PRKCB: variants seen among roughly 807,000 people sequenced by gnomAD.
PRKCB encodes protein kinase C beta type.
Under a neutral mutation model 81.5 loss-of-function variants are expected in PRKCB, and 13 were observed. That is an observed-to-expected ratio of 0.16 (90% CI 0.10 to 0.25). The LOEUF is 0.25. Ranked by LOEUF, PRKCB falls within the 10% of genes least tolerant of loss-of-function variation. PRKCB has a pLI of 1.00. For synonymous variants in PRKCB, 335 were observed against 321.4 expected (o/e 1.04, Z -0.45); for missense variants, 509 against 875.7 (o/e 0.58, Z 5.29).
chr16:23,923,659 A>C (rs559811868), intron 2 of PRKCB, among the ~76,000 whole-genome samples: 9 of 152,076 alleles, frequency 5.9e-5, no homozygotes, highest in Non-Finnish European at 1.2e-4. Context: ...TGACTGTCCA[A>C]TCTTCAGTTA....
At position 24,218,655 on chromosome 16, in the gene PRKCB, A is replaced by G. The variant is rs1436039947; in HGVS notation, c.*3839A>G. On this transcript the variant is annotated 3_prime_UTR_variant, in exon 17 of 17. Transcript: ENST00000643927. Reference sequence around the variant, plus strand: ...AGGAGAGTGAACCCAGCAATGAGAGATCCTTAACAGCTAGTGCCCATTAGG... The same window carrying G: ...AGGAGAGTGAACCCAGCAATGAGAGGTCCTTAACAGCTAGTGCCCATTAGG... The G allele has an allele frequency of 2.0e-6, 2 of 985,062 alleles. No individual in the cohort carries two copies. The highest frequency in any genetic ancestry group is 1.1e-4 in the East Asian group (1 of 8,804). The allele number at this position is 985,062 out of a possible 1,614,324, so 61.0% of individuals were successfully genotyped here.
At chr16:23,952,173 C>T (rs1451534198) in intron 2 of PRKCB, among the ~76,000 whole-genome samples, 1 of 152,144 alleles carries the variant, frequency 6.6e-6, no homozygotes, top group Non-Finnish European at 1.5e-5. Context: ...ATGGGGTCTG[C>T]TGCAGAGATG....
chr16:24,002,338 TGTGC>T (rs997257625), intron 3 of PRKCB, among the ~76,000 whole-genome samples: 10 of 151,748 alleles, frequency 6.6e-5, no homozygotes, highest in Admixed American at 1.3e-4. Flanking sequence ...CGTGTGTGTG[TGTGC>T]GTGCGTGCGT....
intron 3 of PRKCB, among the ~76,000 whole-genome samples, chr16:24,020,531 T>C (rs1240570302): frequency 6.6e-6 from 1 of 152,192 alleles, no homozygotes; most frequent in African/African-American, 2.4e-5. Context: ...CAAGAGGTTT[T>C]ATGTTCTGTG....
At chr16:24,018,936 T>C (rs1965322907) in intron 3 of PRKCB, among the ~76,000 whole-genome samples, 1 of 152,174 alleles carries the variant, frequency 6.6e-6, no homozygotes, top group Non-Finnish European at 1.5e-5. Flanking sequence ...GTTTCCCTAC[T>C]TTTTTTGTCT....
At chr16:23,842,573 TTTC>T (rs1962286221) in intron 2 of PRKCB, among the ~76,000 whole-genome samples, 1 of 152,230 alleles carries the variant, frequency 6.6e-6, no homozygotes, top group Non-Finnish European at 1.5e-5. Flanking sequence ...AGCATTGTCT[TTTC>T]TTCTGAGAAA....
intron 9 of PRKCB, among the ~76,000 whole-genome samples, chr16:24,135,535 A>C (rs951963120): frequency 6.6e-6 from 1 of 151,058 alleles, no homozygotes; most frequent in Non-Finnish European, 1.5e-5. Context: ...CTGGTCTCGA[A>C]CTCCTGGCCT....
At chr16:23,901,120 C>T (rs1005877) in intron 2 of PRKCB, among the ~76,000 whole-genome samples, 146,746 of 152,136 alleles carry the variant, frequency 0.96, 70,815 homozygotes, top group East Asian at 1. Context: ...CTAATCAAAA[C>T]ACAATTGCCA....
Position 24,218,690 on chromosome 16 carries a change from C to T in PRKCB, c.*3874C>T, listed in dbSNP as rs544733927. On this transcript the variant is annotated 3_prime_UTR_variant, in exon 17 of 17. Transcript: ENST00000643927. Reference sequence around the variant, plus strand: ...GCTAGTGCCCATTAGGGGGCTAAACCTAAAGCCTGGGTGGTGATGGCTCAA... The same window carrying T: ...GCTAGTGCCCATTAGGGGGCTAAACTTAAAGCCTGGGTGGTGATGGCTCAA... 6 of 985,426 alleles carry T rather than the reference C, an allele frequency of 6.1e-6. No individual in the cohort carries two copies. The highest frequency in any genetic ancestry group is 7.2e-6 in the Non-Finnish European group (6 of 829,932). 61.0% of individuals were successfully genotyped at this position (985,426 alleles called of 1,614,324 possible).
At chr16:23,909,962 G>A (rs1163927947) in intron 2 of PRKCB, among the ~76,000 whole-genome samples, 1 of 152,120 alleles carries the variant, frequency 6.6e-6, no homozygotes, top group Admixed American at 6.5e-5. Context: ...ACACACTGGG[G>A]GGTTAGGCTT....
intron 2 of PRKCB, among the ~76,000 whole-genome samples, chr16:23,972,831 AG>A (rs1964575577): frequency 6.6e-6 from 1 of 152,260 alleles, no homozygotes; most frequent in Non-Finnish European, 1.5e-5. Context: ...TTAGGAAGAC[AG>A]TAGTGAACAA....
intron 2 of PRKCB, among the ~76,000 whole-genome samples, chr16:23,867,393 A>G (rs1331697776): frequency 6.6e-6 from 1 of 152,212 alleles, no homozygotes; most frequent in Non-Finnish European, 1.5e-5. Flanking sequence ...AAGTGCTGGG[A>G]TTACAGGCGT....
rs555569321 is a variant in PRKCB at position 24,086,725 on chromosome 16, T to G, written c.530-6066T>G. On this transcript the variant is annotated intron_variant, in intron 5 of 16. Coordinates refer to ENST00000643927, the MANE Select transcript of PRKCB (RefSeq NM_002738.7). ...AAATGTGATGGATAAAGCTAAAATC[T>G]TTATTCACAACCCTCAAATCAGGTT... Among the ~76,000 whole-genome samples the G allele has an allele frequency of 2.6e-5, 4 of 152,340 alleles. No homozygotes were observed. The East Asian group carries it at 7.7e-4, about 29-fold the overall frequency.
At chr16:24,001,196 G>T (rs760382161) in intron 3 of PRKCB, among the ~76,000 whole-genome samples, 2 of 152,148 alleles carry the variant, frequency 1.3e-5, no homozygotes, top group Non-Finnish European at 2.9e-5. Flanking sequence ...ATTGAACAGG[G>T]TCTCTGGGCA....
chr16:24,163,237 A>G (rs1319483766), intron 10 of PRKCB, among the ~76,000 whole-genome samples: 1 of 152,186 alleles, frequency 6.6e-6, no homozygotes, highest in Non-Finnish European at 1.5e-5. Flanking sequence ...GGTGAGAGGC[A>G]CCATCTTGAG....
rs1334768195 is a variant in PRKCB, at chr16:24,213,312, C to T, written c.1864-1346C>T. Among the ~76,000 whole-genome samples the T allele has an allele frequency of 5.9e-5, 9 of 152,134 alleles. No homozygotes were observed. In the South Asian group the frequency reaches 1.2e-3, roughly 21 times the overall value. ...CCTCCCAAAGTGCTGGGATTACAGG[C>T]GTGAGCCACTGCGCCCAGTCACTGT... On this transcript the variant is annotated intron_variant, in intron 16 of 16. Coordinates refer to ENST00000643927, the MANE Select transcript of PRKCB (RefSeq NM_002738.7).
chr16:24,167,797 C>A (rs1044406481), intron 10 of PRKCB, among the ~76,000 whole-genome samples: 1 of 152,162 alleles, frequency 6.6e-6, no homozygotes, highest in African/African-American at 2.4e-5. Flanking sequence ...GAACCCAATG[C>A]CTAAGGTTCA....
At chr16:23,836,632 G>A (rs1394555229) in intron 1 of PRKCB, among the ~76,000 whole-genome samples, 6 of 151,634 alleles carry the variant, frequency 4.0e-5, no homozygotes, top group Admixed American at 1.3e-4. Flanking sequence ...GGGAGCCTTT[G>A]CTCCACCTGA....
At chr16:24,171,833 A>C (rs1001500241) in intron 10 of PRKCB, among the ~76,000 whole-genome samples, 1 of 152,184 alleles carries the variant, frequency 6.6e-6, no homozygotes, top group Non-Finnish European at 1.5e-5. Flanking sequence ...TCCCGGGTTC[A>C]AGTGAGTCTC....
Sources: gnomAD v4.1 joint callset for allele counts (sites outside exome capture counted in the v4.1 genomes callset) on GRCh38, gnomAD v4.1.1 for gene constraint, MANE v1.5 for transcripts, NCBI Gene and HGNC (gene_info 2026-07-23, HGNC 2026-07-21) for gene names.